The following RARB variants were observed in gnomAD, a reference collection of about 807,000 sequenced individuals.
RARB encodes retinoic acid receptor beta, also known as HBV-activated protein.
Under a neutral mutation model 51.9 loss-of-function variants are expected in RARB, and 17 were observed. The ratio of observed to expected loss-of-function variants is 0.33; its 90% CI spans 0.22 to 0.49. RARB has a LOEUF of 0.49. Among genes scored for constraint, RARB ranks in the 20% least tolerant of loss-of-function variants. The probability of loss-of-function intolerance (pLI) is 0.99; values close to 1 mark genes in which losing one functional copy is unlikely to be tolerated. For synonymous variants in RARB, 215 were observed against 195.4 expected (o/e 1.10, Z -0.84); for missense variants, 369 against 550.8 (o/e 0.67, Z 3.30).
At chr3:24,866,438 A>G (rs1702850348) in intron 2 of RARB, among the ~76,000 whole-genome samples, 1 of 152,158 alleles carries the variant, frequency 6.6e-6, no homozygotes, top group Admixed American at 6.6e-5. Flanking sequence ...CCGTTGTAAC[A>G]CAAGGCAAGG....
At chr3:25,394,200 A>T (rs1418394915) in intron 5 of RARB, among the ~76,000 whole-genome samples, 2 of 152,034 alleles carry the variant, frequency 1.3e-5, no homozygotes, top group African/African-American at 4.8e-5. Context: ...ATGTATTTGC[A>T]TGGTTTTGAG....
Position 25,093,044 on chromosome 3 carries a change from A to T in RARB, c.-328+32868A>T, listed in dbSNP as rs560713418. Among the ~76,000 whole-genome samples the T allele has an allele frequency of 5.9e-5, 9 of 152,310 alleles. No homozygotes were observed. In the South Asian group the frequency reaches 1.9e-3, roughly 32 times the overall value. ...TAGAGCACAGGTGTTGCTTACAATG[A>T]TACTGACTATGGATTAGTCTCATCT... On this transcript the variant is annotated intron_variant, in intron 3 of 11. Transcript: ENST00000383772.
chr3:25,359,568 G>A (rs768230476), intron 5 of RARB, among the ~76,000 whole-genome samples: 4 of 152,148 alleles, frequency 2.6e-5, no homozygotes, highest in African/African-American at 9.7e-5. Flanking sequence ...TGTGATGTTA[G>A]AGTGTTGATT....
intron 5 of RARB, among the ~76,000 whole-genome samples, chr3:25,316,528 C>T (rs1381324371): frequency 6.6e-6 from 1 of 151,836 alleles, no homozygotes; most frequent in African/African-American, 2.4e-5. Flanking sequence ...TCAGATATAT[C>T]TATAGAAGAG....
At chr3:25,166,833 C>G (rs771048436) in intron 4 of RARB, among the ~76,000 whole-genome samples, 5 of 152,176 alleles carry the variant, frequency 3.3e-5, no homozygotes, top group African/African-American at 4.8e-5. Flanking sequence ...TTCAAGAAAT[C>G]ACATATCAAG....
At chr3:24,919,878 G>T (rs187851520) in intron 2 of RARB, among the ~76,000 whole-genome samples, 2 of 152,222 alleles carry the variant, frequency 1.3e-5, no homozygotes, top group African/African-American at 4.8e-5. Flanking sequence ...GAACAGTCTT[G>T]ATACAATTGT....
chr3:25,087,548 G>A (rs1435032374), intron 3 of RARB, among the ~76,000 whole-genome samples: 4 of 152,064 alleles, frequency 2.6e-5, no homozygotes, highest in Non-Finnish European at 4.4e-5. Context: ...AATGGGGCAA[G>A]ATAATAGTAA....
intron 3 of RARB, among the ~76,000 whole-genome samples, chr3:25,511,484 TC>T (rs1221552393): frequency 6.6e-6 from 1 of 152,006 alleles, no homozygotes; most frequent in Non-Finnish European, 1.5e-5. Flanking sequence ...GACACCCCTT[TC>T]CCCTTTATAG....
chr3:25,321,841 T>A (rs11708300), intron 5 of RARB, among the ~76,000 whole-genome samples: 1 of 151,248 alleles, frequency 6.6e-6, no homozygotes. Flanking sequence ...GAAGAAGCTA[T>A]AATTTCAATG....
At chr3:25,548,119 T>TG (rs1491097796) in intron 3 of RARB, among the ~76,000 whole-genome samples, 1 of 133,068 alleles carries the variant, frequency 7.5e-6, no homozygotes, top group Non-Finnish European at 1.6e-5. Context: ...TTTTTTTTTT[T>TG]GAAGTGGACT....
intron 5 of RARB, among the ~76,000 whole-genome samples, chr3:25,211,106 C>G (rs1380407190): frequency 6.6e-6 from 1 of 152,106 alleles, no homozygotes; most frequent in East Asian, 1.9e-4. Context: ...AAGCTGTTAA[C>G]AAATATTAAC....
intron 5 of RARB, among the ~76,000 whole-genome samples, chr3:25,207,841 C>G (rs550305311): frequency 3.3e-5 from 5 of 152,276 alleles, no homozygotes; most frequent in Non-Finnish European, 7.3e-5. Flanking sequence ...ACAACTGAAA[C>G]TAGGTAATTT....
exon 5 of RARB, chr3:25,174,472 C>T: frequency 7.4e-6 from 10 of 1,352,158 alleles, no homozygotes; most frequent in Non-Finnish European, 9.8e-6. Context: ...CCACACCCTA[C>T]CCGTTACTCT....
chr3:25,402,719 G>A lies in RARB; in HGVS notation c.179-58474G>A, dbSNP rs577200031. On this transcript the variant is annotated intron_variant, in intron 5 of 11. Transcript: ENST00000383772. ...AGCCAGGCGCAGAAAGACAAATGTC[G>A]CATGTTCTCACTTATTTGTGGGATC... Among the ~76,000 whole-genome samples the A allele has an allele frequency of 1.3e-4, 20 of 152,178 alleles. No homozygotes were observed. The South Asian group carries it at 2.5e-3, about 19-fold the overall frequency.
chr3:25,346,473 A>G (rs1705397480), intron 5 of RARB, among the ~76,000 whole-genome samples: 1 of 152,162 alleles, frequency 6.6e-6, no homozygotes, highest in Non-Finnish European at 1.5e-5. Flanking sequence ...ACAAATTAAC[A>G]TTTTTATTGA....
At position 25,064,402 on chromosome 3, in the gene RARB, T is replaced by A. The variant is rs192552305; in HGVS notation, c.-328+4226T>A. 4.5e-4 allele frequency among the ~76,000 whole-genome samples: 69 copies of A among 152,262 alleles called. 1 individual carries two copies. Among genetic ancestry groups the A allele is most frequent in the African/African-American group, 1.6e-3 (67 of 41,552 alleles). ...TACAGCTTCAATATTCTTGCCAATGTCCATGACATCAGCAATCAAAAATAG... is the reference window on the plus strand; with the variant it reads ...TACAGCTTCAATATTCTTGCCAATGACCATGACATCAGCAATCAAAAATAG... On this transcript the variant is annotated intron_variant, in intron 3 of 11. Coordinates refer to the RARB transcript ENST00000383772.
intron 3 of RARB, among the ~76,000 whole-genome samples, chr3:25,526,638 T>G (rs1297079395): frequency 1.3e-5 from 2 of 152,006 alleles, no homozygotes; most frequent in Non-Finnish European, 2.9e-5. Flanking sequence ...AAAAGGTACA[T>G]GGAGAATGTT....
intron 2 of RARB, among the ~76,000 whole-genome samples, chr3:25,471,290 A>G (rs1695677122): frequency 6.6e-6 from 1 of 152,184 alleles, no homozygotes; most frequent in African/African-American, 2.4e-5. Context: ...CTTAAGAACT[A>G]GTGCCTGGAA....
chr3:25,397,593 A>G (rs1224435607), intron 5 of RARB, among the ~76,000 whole-genome samples: 1 of 152,200 alleles, frequency 6.6e-6, no homozygotes. Context: ...ATAATTTTAT[A>G]TTAGTTTATC....
Sources: gnomAD v4.1 joint callset for allele counts (sites outside exome capture counted in the v4.1 genomes callset) on GRCh38, gnomAD v4.1.1 for gene constraint, MANE v1.5 for transcripts, NCBI Gene and HGNC (gene_info 2026-07-23, HGNC 2026-07-21) for gene names.